Variants in HSPG2 observed in about 807,000 individuals in gnomAD.
The protein encoded by HSPG2 is basement membrane-specific heparan sulfate proteoglycan core protein.
In HSPG2, 278 loss-of-function variants were observed where a neutral mutation model predicts 526.6. The observed-to-expected ratio is 0.53, with a 90% CI of 0.48 to 0.58. HSPG2 has a LOEUF of 0.58. HSPG2 is among the 20% of genes least tolerant of loss of function. HSPG2 has a pLI of 0.00. For missense variants in HSPG2, 5,354 were observed against 6,099.5 expected (o/e 0.88, Z 4.07); for synonymous variants, 2,465 against 2,555.4 (o/e 0.96, Z 1.07).
chr1:21,860,166 G>A lies in HSPG2; in HGVS notation c.5014+11C>T. 1.2e-6 allele frequency: 2 copies of A among 1,613,726 alleles called. No individual in the cohort carries two copies. The highest frequency in any genetic ancestry group is 1.7e-6 in the Non-Finnish European group (2 of 1,179,794). On this transcript the variant is annotated intron_variant, in intron 40 of 96. Coordinates refer to ENST00000374695, the MANE Select transcript of HSPG2 (RefSeq NM_005529.7). ...CCCATCGTCCCCATCCTGGGCCATGGTCCCACTTACTCTCTGGCAGGCACT... is the reference window on the plus strand; with the variant it reads ...CCCATCGTCCCCATCCTGGGCCATGATCCCACTTACTCTCTGGCAGGCACT...
intron 25 of HSPG2, 72 bp from the exon 26 acceptor site, chr1:21,875,074 G>T: frequency 1.8e-6 from 2 of 1,120,262 alleles, no homozygotes; most frequent in Non-Finnish European, 2.6e-6. Flanking sequence ...TCCTCCACTG[G>T]CAGGGTCTTA....
In HSPG2 at chr1:21,865,045, G is replaced by C; in HGVS notation, c.4424C>G (p.Pro1475Arg). The stretch of plus-strand genomic sequence containing the variant: ...CATCAGGAGGTGCTCGCGTGTGGCC[G>C]GCTGCCCATCGGGCCGGCGCCAGAA... ...EEFWRRPDGQ[P>R]ATREHLLMAL... The change falls in exon 36 of 97, where the codon CCG becomes CGG. Residue 1475 changes from proline to arginine, a missense_variant. Physicochemically the swap from Pro to Arg is moderately radical, Grantham distance 103. Coordinates refer to ENST00000374695, the MANE Select transcript of HSPG2 (RefSeq NM_005529.7). This position sits in a 1 kb window ranked among gnomAD's most constrained non-coding sequence, Gnocchi z 5.4. The C allele has an allele frequency of 1.3e-6, 2 of 1,569,440 alleles. No individual in the cohort carries two copies. Among genetic ancestry groups the C allele is most frequent in the Non-Finnish European group, 1.7e-6 (2 of 1,160,416 alleles).
At position 21,855,442 on chromosome 1, in the gene HSPG2, G is replaced by C. The variant is rs750185167; in HGVS notation, c.5859C>G (p.Gly1953=). The change falls in exon 47 of 97, where the codon GGC becomes GGG. Residue 1953 remains glycine, a synonymous_variant. Coordinates refer to ENST00000374695, the MANE Select transcript of HSPG2 (RefSeq NM_005529.7). ...VARAVLHVHG[G]GGPRVQVSPE... ...GGCTCACTTGGACTCTGGGCCCACC[G>C]CCCCCTGCAGACAGAGTCCTGTGAG... 4.3e-6 allele frequency: 7 copies of C among 1,612,884 alleles called. No homozygotes were observed. The East Asian group carries it at 1.3e-4, about 31-fold the overall frequency.
intron 1 of HSPG2, among the ~76,000 whole-genome samples, chr1:21,919,518 C>A (rs1251143891): frequency 1.3e-5 from 2 of 152,044 alleles, no homozygotes; most frequent in African/African-American, 4.8e-5. Context: ...TCACTGAACC[C>A]CCACCTGGAC....
At chr1:21,888,785 G>T in intron 6 of HSPG2, 1 of 1,167,450 alleles carries the variant, frequency 8.6e-7, no homozygotes, top group Non-Finnish European at 1.2e-6. Context: ...TGCAGGGCTG[G>T]GCCACATTCC....
intron 1 of HSPG2, among the ~76,000 whole-genome samples, chr1:21,906,991 CGG>C (rs1310889250): frequency 2.6e-5 from 4 of 152,148 alleles, no homozygotes; most frequent in African/African-American, 9.7e-5. Flanking sequence ...AGCGGGCTGG[CGG>C]CCGGCTAGCT....
chr1:21,824,823 A>T lies in HSPG2; in HGVS notation c.12590-44T>A. ...TGGTGCCATACCTGCTGCATCAGGCATCAAAATCCCCCGTCAGTTCCCCTG... is the reference window on the plus strand; with the variant it reads ...TGGTGCCATACCTGCTGCATCAGGCTTCAAAATCCCCCGTCAGTTCCCCTG... On this transcript the variant is annotated intron_variant, in intron 91 of 96. Coordinates refer to ENST00000374695, the MANE Select transcript of HSPG2 (RefSeq NM_005529.7). This position sits in a 1 kb window ranked among gnomAD's most constrained non-coding sequence, Gnocchi z 5.9. The T allele has an allele frequency of 1.3e-6, 2 of 1,553,042 alleles. No homozygotes were observed. The highest frequency in any genetic ancestry group is 1.8e-6 in the Non-Finnish European group (2 of 1,135,692).
intron 23 of HSPG2, 81 bp downstream of exon 23, chr1:21,876,148 C>T (rs1467439864): frequency 1.9e-6 from 3 of 1,566,838 alleles, no homozygotes; most frequent in Non-Finnish European, 2.6e-6. Flanking sequence ...CCCAAGGCAC[C>T]ACGACCCTCC....
chr1:21,909,877 G>C (rs1643572194), intron 1 of HSPG2, among the ~76,000 whole-genome samples: 1 of 152,244 alleles, frequency 6.6e-6, no homozygotes, highest in African/African-American at 2.4e-5. Flanking sequence ...CATACCTCTG[G>C]TGCACAAAGA....
Position 21,848,552 on chromosome 1 carries a change from T to G in HSPG2, c.7737+91A>C. 2.2e-4 allele frequency: 317 copies of G among 1,415,214 alleles called. No homozygotes were observed. Among genetic ancestry groups the G allele is most frequent in the Non-Finnish European group, 2.9e-4 (292 of 1,003,266 alleles). The allele number at this position is 1,415,214 out of a possible 1,614,324, so 87.7% of individuals were successfully genotyped here. On this transcript the variant is annotated intron_variant, in intron 59 of 96. Transcript: ENST00000374695. The surrounding 1 kb of genome is among the most constrained non-coding windows in gnomAD (Gnocchi z 4.9). ...ACTCAATGTTTGTTGAATGACTGAATGAGCACAGAGTGAGGTGCTGAGAGT... is the reference window on the plus strand; with the variant it reads ...ACTCAATGTTTGTTGAATGACTGAAGGAGCACAGAGTGAGGTGCTGAGAGT...
At chr1:21,860,639 G>A (rs1413145752) in intron 39 of HSPG2, among the ~76,000 whole-genome samples, 1 of 152,016 alleles carries the variant, frequency 6.6e-6, no homozygotes, top group Non-Finnish European at 1.5e-5. Context: ...CTGCAGGGGT[G>A]CGCCACCACA....
chr1:21,885,407 A>G lies in HSPG2; in HGVS notation c.1123T>C (p.Cys375Arg), dbSNP rs1557784002. Reference protein sequence around the residue: ...EEVCGPTQFRCVSTNMCIPAS... With the variant: ...EEVCGPTQFRRVSTNMCIPAS... ...GGGATGCACATGTTGGTAGAGACGC[A>G]TCGGAACTGTGTGGGCCCGCACACT... Residue 375 changes from cysteine to arginine, a missense_variant, in exon 10 of 97, where the codon TGC becomes CGC. Transcript: ENST00000374695. 6.2e-7 allele frequency: 1 copy of G among 1,614,052 alleles called. No individual in the cohort carries two copies. Among genetic ancestry groups the G allele is most frequent in the Non-Finnish European group, 8.5e-7 (1 of 1,179,998 alleles).
At chr1:21,845,101 C>A (rs919983192) in intron 64 of HSPG2, among the ~76,000 whole-genome samples, 4 of 152,116 alleles carry the variant, frequency 2.6e-5, no homozygotes, top group Non-Finnish European at 4.4e-5. Flanking sequence ...CAAAAATTAG[C>A]TGGGCGTGGT....
chr1:21,865,378 C>T lies in HSPG2; in HGVS notation c.4315-13G>A. 6.2e-7 allele frequency: 1 copy of T among 1,613,826 alleles called. No homozygotes were observed. On this transcript the variant is annotated splice_polypyrimidine_tract_variant and intron_variant, in intron 34 of 96. Coordinates refer to ENST00000374695, the MANE Select transcript of HSPG2 (RefSeq NM_005529.7). The surrounding 1 kb of genome is among the most constrained non-coding windows in gnomAD (Gnocchi z 5.4). ...TGATGTTGTTGCCCTGGAAAGACACCAGCAGGATTGGAAGGGGAGCCGAGG... is the reference window on the plus strand; with the variant it reads ...TGATGTTGTTGCCCTGGAAAGACACTAGCAGGATTGGAAGGGGAGCCGAGG...
chr1:21,832,432 G>T, intron 81 of HSPG2, 63 bp downstream of exon 81: 1 of 1,333,356 alleles, frequency 7.5e-7, no homozygotes. Context: ...GCCCAGGGTA[G>T]CACTTGCCAG....
At chr1:21,863,489 T>G (rs1278414361) in intron 37 of HSPG2, among the ~76,000 whole-genome samples, 1 of 152,192 alleles carries the variant, frequency 6.6e-6, no homozygotes. Flanking sequence ...GGGTGTTCCT[T>G]GCTCCAAGTT....
At chr1:21,878,834 A>G (rs148552263) in intron 18 of HSPG2, among the ~76,000 whole-genome samples, 160 bp downstream of exon 18, 20 of 152,332 alleles carry the variant, frequency 1.3e-4, no homozygotes, top group African/African-American at 4.3e-4. Context: ...CCCATTATAC[A>G]GAAAAGGAAA....
intron 74 of HSPG2, 67 bp from the exon 75 acceptor site, chr1:21,837,073 AC>A: frequency 7.2e-7 from 1 of 1,382,420 alleles, no homozygotes; most frequent in Non-Finnish European, 9.9e-7. Context: ...CCCTCCAGGG[AC>A]CCAGGAAACC....
rs1353614910 is a variant in HSPG2 at position 21,844,296 on chromosome 1, G to C, written c.8468C>G (p.Pro2823Arg). The C allele has an allele frequency of 5.6e-6, 9 of 1,612,072 alleles. No individual in the cohort carries two copies. The highest frequency in any genetic ancestry group is 7.6e-6 in the Non-Finnish European group (9 of 1,179,060). Residue 2823 changes from proline (P) to arginine (R), a missense_variant, in exon 65 of 97, where the codon CCA becomes CGA. Pro to Arg is a moderately radical substitution (Grantham distance 103). Transcript: ENST00000374695. Reference protein sequence around the residue: ...SGSSAVHVPAPGGAPPIRIEP... With the variant: ...SGSSAVHVPARGGAPPIRIEP... ...GATGCGGATGGGTGGGGCTCCACCT[G>C]GGGCTGGGGCACAGGGGAGAGGTCA...
Sources: allele counts gnomAD v4.1 joint callset (sites outside exome capture counted in the v4.1 genomes callset), GRCh38; gene constraint gnomAD v4.1.1; non-coding constraint Gnocchi (gnomAD v3.1); transcripts MANE v1.5; gene names NCBI Gene and HGNC (gene_info 2026-07-23, HGNC 2026-07-21).